Variants in HNRNPC observed in about 807,000 individuals in gnomAD.
The protein encoded by HNRNPC is heterogeneous nuclear ribonucleoproteins C1/C2.
A neutral mutation model predicts 33.2 loss-of-function variants in HNRNPC; 3 were observed. That is an observed-to-expected ratio of 0.09 (90% CI 0.04 to 0.23). The LOEUF (loss-of-function observed/expected upper bound fraction) is 0.23, where lower values mean the gene tolerates loss of function less well. HNRNPC is among the 10% of genes least tolerant of loss of function. The pLI is 1.00. For missense variants in HNRNPC, 143 were observed against 366.7 expected (o/e 0.39, Z 4.98); for synonymous variants, 121 against 126.7 (o/e 0.96, Z 0.30).
At chr14:21,239,264 G>A (rs1436715812) in intron 2 of HNRNPC, among the ~76,000 whole-genome samples, 1 of 152,068 alleles carries the variant, frequency 6.6e-6, no homozygotes, top group Non-Finnish European at 1.5e-5. Flanking sequence ...TGGATCATGA[G>A]GTCAGAACGA....
chr14:21,255,570 A>G (rs561165027), intron 2 of HNRNPC, among the ~76,000 whole-genome samples: 2 of 152,312 alleles, frequency 1.3e-5, no homozygotes, highest in East Asian at 1.9e-4. Context: ...CCCCTATTAC[A>G]CAGACTAGCT....
chr14:21,250,312 T>C (rs1029593694), intron 2 of HNRNPC, among the ~76,000 whole-genome samples: 4 of 152,018 alleles, frequency 2.6e-5, no homozygotes, highest in African/African-American at 9.7e-5. Context: ...CAGTCAGCAA[T>C]TTCCTTGCAA....
At chr14:21,213,388 T>A (rs1413154284) in intron 5 of HNRNPC, 2 of 397,684 alleles carry the variant, frequency 5.0e-6, no homozygotes, top group Non-Finnish European at 9.2e-6. Context: ...TGGCTGGCCT[T>A]TGGCACTGGA....
intron 2 of HNRNPC, among the ~76,000 whole-genome samples, chr14:21,255,434 A>C (rs1261841140): frequency 6.6e-6 from 1 of 152,240 alleles, no homozygotes; most frequent in African/African-American, 2.4e-5. Flanking sequence ...TATTTTTAAA[A>C]TGGTCAAGCT....
chr14:21,213,200 G>C (rs1027925761), intron 5 of HNRNPC, 83 bp from the exon 6 acceptor site: 1 of 1,347,594 alleles, frequency 7.4e-7, no homozygotes, highest in African/African-American at 1.5e-5. Flanking sequence ...TAAATAGTAA[G>C]TGAATATTGT....
At chr14:21,257,845 A>G (rs1877493055) in intron 2 of HNRNPC, among the ~76,000 whole-genome samples, 1 of 152,078 alleles carries the variant, frequency 6.6e-6, no homozygotes, top group South Asian at 2.1e-4. Flanking sequence ...ATAGGCATAA[A>G]CTGCTGCAAC....
At chr14:21,221,070 G>A (rs529691466) in intron 5 of HNRNPC, among the ~76,000 whole-genome samples, 8 of 152,266 alleles carry the variant, frequency 5.3e-5, no homozygotes, top group African/African-American at 1.4e-4. Context: ...CTCAGCAATA[G>A]AGCAAGATCC....
chr14:21,221,417 C>G (rs931559987), intron 5 of HNRNPC, among the ~76,000 whole-genome samples: 1 of 152,196 alleles, frequency 6.6e-6, no homozygotes, highest in Non-Finnish European at 1.5e-5. Flanking sequence ...CTTAAATGTT[C>G]TACTGAACAG....
At chr14:21,267,445 G>A (rs1193609130) in intron 1 of HNRNPC, among the ~76,000 whole-genome samples, 2 of 152,138 alleles carry the variant, frequency 1.3e-5, no homozygotes. Flanking sequence ...CGAATGCCAT[G>A]TCAAATCCTC....
Position 21,227,209 on chromosome 14 carries a change from A to C in HNRNPC, c.365+3110T>G, listed in dbSNP as rs183794424. Reference sequence around the variant, plus strand: ...TATCTGCCCCTCTCCCCACTAAACAAACACTCCTCCTCCTTTCACCTTCAT... The same window carrying C: ...TATCTGCCCCTCTCCCCACTAAACACACACTCCTCCTCCTTTCACCTTCAT... On this transcript the variant is annotated intron_variant, in intron 5 of 8. Coordinates refer to ENST00000553300, the MANE Select transcript of HNRNPC (RefSeq NM_004500.4). Among the ~76,000 whole-genome samples the C allele has an allele frequency of 7.7e-3, 1,173 of 151,636 alleles. 11 individuals are homozygous for C. Among genetic ancestry groups the C allele is most frequent in the Middle Eastern group, 0.017 (5 of 294 alleles).
At chr14:21,227,675 T>C (rs1893630131) in intron 5 of HNRNPC, among the ~76,000 whole-genome samples, 1 of 152,222 alleles carries the variant, frequency 6.6e-6, no homozygotes, top group Non-Finnish European at 1.5e-5. Context: ...CTGCAGTATA[T>C]ATCTCATTGT....
chr14:21,225,304 C>T (rs1391110022), intron 5 of HNRNPC, among the ~76,000 whole-genome samples: 1 of 151,944 alleles, frequency 6.6e-6, no homozygotes, highest in African/African-American at 2.4e-5. Flanking sequence ...TGGCAGGCAC[C>T]TGTAACCCCA....
intron 3 of HNRNPC, among the ~76,000 whole-genome samples, chr14:21,232,961 C>T (rs1894279739): frequency 6.6e-6 from 1 of 151,810 alleles, no homozygotes; most frequent in African/African-American, 2.4e-5. Flanking sequence ...CGCTTGAACC[C>T]GGGAGGCTGA....
chr14:21,245,558 C>G (rs184716523), intron 2 of HNRNPC, among the ~76,000 whole-genome samples: 6 of 152,142 alleles, frequency 3.9e-5, no homozygotes, highest in African/African-American at 1.4e-4. Context: ...ATGAATGGAG[C>G]TTTTAGGACT....
intron 2 of HNRNPC, among the ~76,000 whole-genome samples, chr14:21,248,685 G>T (rs1042178496): frequency 1.3e-5 from 2 of 152,132 alleles, no homozygotes; most frequent in Non-Finnish European, 2.9e-5. Context: ...ATTAAACCAA[G>T]TACCATGTTC....
intron 5 of HNRNPC, among the ~76,000 whole-genome samples, chr14:21,228,838 A>G (rs904391348): frequency 6.6e-6 from 1 of 151,930 alleles, no homozygotes; most frequent in Non-Finnish European, 1.5e-5. Context: ...TAATCCCAGC[A>G]CTTTGGGAGG....
intron 5 of HNRNPC, among the ~76,000 whole-genome samples, chr14:21,216,704 G>A (rs555611272): frequency 3.3e-5 from 5 of 152,168 alleles, no homozygotes; most frequent in South Asian, 2.1e-4. Context: ...GTAAGACTCC[G>A]TCACAAAACA....
intron 5 of HNRNPC, among the ~76,000 whole-genome samples, chr14:21,228,778 C>G (rs1056408677): frequency 5.3e-5 from 8 of 151,788 alleles, no homozygotes; most frequent in African/African-American, 1.9e-4. Flanking sequence ...AATGTTCACA[C>G]ATAACTGTAA....
intron 2 of HNRNPC, 72 bp from the exon 3 acceptor site, chr14:21,234,301 T>C: frequency 7.3e-7 from 1 of 1,369,036 alleles, no homozygotes; most frequent in Non-Finnish European, 1.0e-6. Flanking sequence ...CATTCTCCAC[T>C]CTCACTCTGA....
Sources: allele counts gnomAD v4.1 joint callset (sites outside exome capture counted in the v4.1 genomes callset), GRCh38; gene constraint gnomAD v4.1.1; transcripts MANE v1.5; gene names NCBI Gene and HGNC (gene_info 2026-07-23, HGNC 2026-07-21).